The following PARD3B variants were observed in gnomAD, a reference collection of about 807,000 sequenced individuals.
The protein encoded by PARD3B is par-3 family cell polarity regulator beta, also known as partitioning defective 3 homolog B.
PARD3B carries 103 observed loss-of-function variants against 130.2 expected under a neutral mutation model. That is an observed-to-expected ratio of 0.79 (90% confidence interval 0.67 to 0.93). PARD3B has a LOEUF of 0.93. Ranked by LOEUF, PARD3B falls within the 40% of genes least tolerant of loss-of-function variation. PARD3B has a pLI of 0.00. For synonymous variants in PARD3B, 583 were observed against 553.2 expected, an observed-to-expected ratio of 1.05 and a Z score of -0.76; for missense variants, 1,609 against 1,499.2, an observed-to-expected ratio of 1.07 and a Z score of -1.21.
intron 21 of PARD3B, among the ~76,000 whole-genome samples, chr2:205,510,613 C>G (rs1005996044): frequency 6.6e-6 from 1 of 152,192 alleles, no homozygotes; most frequent in Non-Finnish European, 1.5e-5. Context: ...GGGGGCACAC[C>G]TAATCTCTTT....
At chr2:205,266,509 G>C (rs1288627571) in intron 16 of PARD3B, among the ~76,000 whole-genome samples, 1 of 152,092 alleles carries the variant, frequency 6.6e-6, no homozygotes, top group Admixed American at 6.6e-5. Context: ...CACATATACA[G>C]ATATATAGTT....
intron 15 of PARD3B, among the ~76,000 whole-genome samples, chr2:205,198,704 T>A (rs988858178): frequency 3.3e-5 from 5 of 152,082 alleles, no homozygotes; most frequent in Non-Finnish European, 5.9e-5. Context: ...AAAGCCCCAT[T>A]CTACTGCTCT....
intron 3 of PARD3B, among the ~76,000 whole-genome samples, chr2:205,029,578 G>C (rs1036938013): frequency 6.6e-6 from 1 of 152,182 alleles, no homozygotes; most frequent in Admixed American, 6.6e-5. Flanking sequence ...CTCTTCAACA[G>C]TTAGAATTAT....
At chr2:205,194,249 T>A (rs11898886) in intron 15 of PARD3B, among the ~76,000 whole-genome samples, 82,342 of 152,042 alleles carry the variant, frequency 0.54, 22,876 homozygotes, top group African/African-American at 0.64. Flanking sequence ...AATAGTGCTT[T>A]TCTGTTACTC....
chr2:205,166,723 C>G (rs1279229619), intron 11 of PARD3B, among the ~76,000 whole-genome samples: 1 of 152,144 alleles, frequency 6.6e-6, no homozygotes, highest in African/African-American at 2.4e-5. Context: ...ATTGTAGGGC[C>G]ATGAGAAGGA....
At chr2:204,970,427 C>T (rs1691605063) in intron 3 of PARD3B, among the ~76,000 whole-genome samples, 1 of 152,164 alleles carries the variant, frequency 6.6e-6, no homozygotes, top group Non-Finnish European at 1.5e-5. Flanking sequence ...CCAGGTCACT[C>T]CCTGATGTGT....
chr2:205,595,605 A>G (rs1232255660), intron 22 of PARD3B, among the ~76,000 whole-genome samples: 1 of 152,226 alleles, frequency 6.6e-6, no homozygotes, highest in Non-Finnish European at 1.5e-5. Flanking sequence ...ACCATTTCAC[A>G]TTGGTATATA....
intron 22 of PARD3B, among the ~76,000 whole-genome samples, chr2:205,604,485 TG>T (rs1285517506): frequency 6.6e-6 from 1 of 152,160 alleles, no homozygotes; most frequent in Non-Finnish European, 1.5e-5. Context: ...TACCTCCTAC[TG>T]GGTCCCTCGC....
At chr2:205,419,059 A>G (rs998922297) in intron 19 of PARD3B, among the ~76,000 whole-genome samples, 4 of 152,196 alleles carry the variant, frequency 2.6e-5, no homozygotes, top group African/African-American at 9.6e-5. Context: ...TGTAATATAT[A>G]TACATACAGT....
chr2:205,283,449 T>TA, intron 16 of PARD3B, among the ~76,000 whole-genome samples: 1 of 152,212 alleles, frequency 6.6e-6, no homozygotes, highest in Non-Finnish European at 1.5e-5. Flanking sequence ...CATGCCTGGC[T>TA]AATTTGTTTT....
intron 20 of PARD3B, among the ~76,000 whole-genome samples, chr2:205,471,066 A>T (rs1413113564): frequency 6.6e-6 from 1 of 152,142 alleles, no homozygotes; most frequent in Non-Finnish European, 1.5e-5. Context: ...AGTGACTGGC[A>T]GTGTTGGTCA....
At chr2:204,683,497 A>G (rs994474498) in intron 1 of PARD3B, among the ~76,000 whole-genome samples, 2 of 152,184 alleles carry the variant, frequency 1.3e-5, no homozygotes, top group Non-Finnish European at 2.9e-5. Flanking sequence ...GGATAAATTT[A>G]TGGTCTTACG....
rs373956344 is a variant in PARD3B at position 205,076,666 on chromosome 2, AG to A, written c.505-27759del. Among the ~76,000 whole-genome samples the A allele has an allele frequency of 1.7e-3, 256 of 152,258 alleles. 1 individual carries two copies. The highest frequency in any genetic ancestry group is 5.7e-3 in the African/African-American group (236 of 41,562). On this transcript the variant is annotated intron_variant, in intron 4 of 22. Transcript: ENST00000406610. Reference sequence around the variant, plus strand: ...AGTGGCAGCATTAGGTTCTCATGGAAGTGTGGATCCTATTGTGAACTGTGGA... The same window carrying A: ...AGTGGCAGCATTAGGTTCTCATGGAATGTGGATCCTATTGTGAACTGTGGA...
At chr2:204,777,771 C>T (rs1010675485) in intron 2 of PARD3B, among the ~76,000 whole-genome samples, 4 of 152,068 alleles carry the variant, frequency 2.6e-5, no homozygotes, top group Non-Finnish European at 4.4e-5. Context: ...CTGTGATATG[C>T]TTTGGCTCTG....
At chr2:204,936,154 G>A (rs560636255) in intron 2 of PARD3B, among the ~76,000 whole-genome samples, 25 of 152,298 alleles carry the variant, frequency 1.6e-4, no homozygotes, top group Non-Finnish European at 3.1e-4. Context: ...GTTTTACTCC[G>A]CAGCCAGGAA....
At chr2:204,970,713 G>T (rs373776909) in intron 3 of PARD3B, among the ~76,000 whole-genome samples, 1 of 152,102 alleles carries the variant, frequency 6.6e-6, no homozygotes, top group Non-Finnish European at 1.5e-5. Context: ...AATTATTTTA[G>T]CAATGTAATT....
chr2:204,969,484 C>T (rs536343489), intron 3 of PARD3B, among the ~76,000 whole-genome samples: 2 of 152,266 alleles, frequency 1.3e-5, no homozygotes, highest in East Asian at 1.9e-4. Context: ...CTCAGAAAAA[C>T]GTTTGTGAAA....
At chr2:205,088,629 T>G (rs568292423) in intron 4 of PARD3B, among the ~76,000 whole-genome samples, 17 of 152,232 alleles carry the variant, frequency 1.1e-4, no homozygotes, top group African/African-American at 4.1e-4. Context: ...GTGAGACAAA[T>G]TCATGTCACA....
In PARD3B at chr2:204,678,783, G is replaced by A. The variant is rs1219505439; in HGVS notation, c.121-7398G>A. On this transcript the variant is annotated intron_variant, in intron 1 of 22. Transcript: ENST00000406610. This position sits in a 1 kb window ranked among gnomAD's most constrained non-coding sequence, Gnocchi z 4.2. ...AAAGTAGCATTTGAGCTGGAAAACGGATAACTGTTTTCATTTAGGGCTGCA... is the reference window on the plus strand; with the variant it reads ...AAAGTAGCATTTGAGCTGGAAAACGAATAACTGTTTTCATTTAGGGCTGCA... Among the ~76,000 whole-genome samples, 2 of 152,122 alleles carry A rather than the reference G, an allele frequency of 1.3e-5. No homozygotes were observed. Among genetic ancestry groups the A allele is most frequent in the East Asian group, 3.9e-4 (2 of 5,184 alleles).
Sources: gnomAD v4.1 joint callset for allele counts (sites outside exome capture counted in the v4.1 genomes callset) on GRCh38, gnomAD v4.1.1 for gene constraint, Gnocchi (gnomAD v3.1) non-coding constraint, MANE v1.5 for transcripts, NCBI Gene and HGNC (gene_info 2026-07-23, HGNC 2026-07-21) for gene names.